GAS2: variants seen among roughly 807,000 people sequenced by gnomAD.
GAS2 encodes growth arrest specific 2.
A neutral mutation model predicts 37.5 loss-of-function variants in GAS2; 20 were observed. That is an observed-to-expected ratio of 0.53 (90% confidence interval 0.37 to 0.77). The LOEUF (loss-of-function observed/expected upper bound fraction) is 0.77. GAS2 is among the 30% of genes least tolerant of loss of function. The pLI, the probability that GAS2 is intolerant of heterozygous loss-of-function variation, is 0.00. For missense variants in GAS2, 336 were observed against 373.4 expected (o/e 0.90, Z 0.82); for synonymous variants, 144 against 132.2 (o/e 1.09, Z -0.61).
chr11:22,782,179 G>A (rs1479496548), intron 7 of GAS2, among the ~76,000 whole-genome samples: 2 of 152,080 alleles, frequency 1.3e-5, no homozygotes, highest in Admixed American at 6.6e-5. Context: ...ACTATTGTGG[G>A]AATGAATTCC....
At chr11:22,698,011 C>A (rs1850623191) in intron 3 of GAS2, among the ~76,000 whole-genome samples, 1 of 152,154 alleles carries the variant, frequency 6.6e-6, no homozygotes, top group Non-Finnish European at 1.5e-5. Context: ...GAGGGCATCC[C>A]TGTCTTGTGC....
rs552953320 is a variant in GAS2, at chr11:22,765,554, C to T, written c.723+9601C>T. On this transcript the variant is annotated intron_variant, in intron 7 of 7. Transcript: ENST00000454584. ...CAGCACTTTGGGAGGCCAAGGCGGG[C>T]GGCTCATGAGATCAGGAGATTGAGA... Among the ~76,000 whole-genome samples, 27 of 152,144 alleles carry T rather than the reference C, an allele frequency of 1.8e-4. 1 individual carries two copies. The highest frequency in any genetic ancestry group is 3.4e-3 in the Middle Eastern group (1 of 294).
At chr11:22,757,820 C>T (rs1854132902) in intron 7 of GAS2, among the ~76,000 whole-genome samples, 1 of 152,092 alleles carries the variant, frequency 6.6e-6, no homozygotes. Flanking sequence ...ATTGAAATAC[C>T]TATCCTTTGG....
At chr11:22,653,069 G>A (rs552671084) in intron 1 of GAS2, among the ~76,000 whole-genome samples, 3 of 44,164 alleles carry the variant, frequency 6.8e-5, no homozygotes, top group African/African-American at 2.5e-4. Context: ...TTTCTTTTTT[G>A]CTTTCTCTCT....
intron 7 of GAS2, among the ~76,000 whole-genome samples, chr11:22,762,677 A>G (rs1854461416): frequency 6.6e-6 from 1 of 152,202 alleles, no homozygotes; most frequent in South Asian, 2.1e-4. Flanking sequence ...AATAGTGCCT[A>G]ATATAAAGAT....
rs561737691 is a variant in GAS2, at chr11:22,650,739, AC to A, written c.-20-24107del. On this transcript the variant is annotated intron_variant, in intron 1 of 5. Coordinates refer to the GAS2 transcript ENST00000528582. ...TGTTTTGTCAGAGACTAGAATTGCA[AC>A]CCCTGCCTTTTTCTGTTTTCCATTT... 4.2e-3 allele frequency among the ~76,000 whole-genome samples: 638 copies of A among 152,200 alleles called. 3 individuals are homozygous for A. Among genetic ancestry groups the A allele is most frequent in the African/African-American group, 0.014 (600 of 41,520 alleles).
chr11:22,652,991 T>TTTTCTTTCTTTCTTTC (rs769554594), intron 1 of GAS2, among the ~76,000 whole-genome samples: 2 of 6,300 alleles, frequency 3.2e-4, no homozygotes, highest in African/African-American at 9.3e-4. Flanking sequence ...CTTTCTTTCT[T>TTTTCTTTCTTTCTTTC]TGTCTTTCTT....
intron 2 of GAS2, among the ~76,000 whole-genome samples, chr11:22,682,612 C>G (rs985742917): frequency 2.0e-5 from 3 of 151,814 alleles, no homozygotes; most frequent in East Asian, 1.9e-4. Flanking sequence ...TGGCGTGGTG[C>G]CTTATGCCTG....
rs189320216 is a variant in GAS2, at chr11:22,646,031, C to T, written c.-21+20218C>T. Among the ~76,000 whole-genome samples, 4 of 151,858 alleles carry T rather than the reference C, an allele frequency of 2.6e-5. No homozygotes were observed. The South Asian group carries it at 8.3e-4, about 32-fold the overall frequency. On this transcript the variant is annotated intron_variant, in intron 1 of 5. Coordinates refer to the GAS2 transcript ENST00000528582. Reference sequence around the variant, plus strand: ...GCTAATTTTGTATTTTTAGTAGACACGGGGTTTCTCCATGTTGGTCAGGCT... The same window carrying T: ...GCTAATTTTGTATTTTTAGTAGACATGGGGTTTCTCCATGTTGGTCAGGCT...
At chr11:22,649,471 G>A (rs1848744574) in intron 1 of GAS2, among the ~76,000 whole-genome samples, 1 of 151,480 alleles carries the variant, frequency 6.6e-6, no homozygotes, top group African/African-American at 2.4e-5. Context: ...TCTATTGATT[G>A]GAATAGTTTC....
Position 22,743,452 on chromosome 11 carries a change from T to G in GAS2, c.474-5668T>G, listed in dbSNP as rs986647686. Among the ~76,000 whole-genome samples, 7 of 152,106 alleles carry G rather than the reference T, an allele frequency of 4.6e-5. No individual in the cohort carries two copies. The East Asian group carries it at 1.2e-3, about 25-fold the overall frequency. Reference sequence around the variant, plus strand: ...ATACTGGGCACATGAAGTACACTATTTAATTCCTTCTAATAATACTAAAAC... The same window carrying G: ...ATACTGGGCACATGAAGTACACTATGTAATTCCTTCTAATAATACTAAAAC... On this transcript the variant is annotated intron_variant, in intron 5 of 7. Transcript: ENST00000454584.
chr11:22,636,811 A>T (rs907830139), intron 1 of GAS2, among the ~76,000 whole-genome samples: 3 of 150,064 alleles, frequency 2.0e-5, no homozygotes. Context: ...CTTCCTCTTT[A>T]TATAAAGATA....
At chr11:22,713,624 C>G (rs779594531) in intron 3 of GAS2, among the ~76,000 whole-genome samples, 2 of 152,052 alleles carry the variant, frequency 1.3e-5, no homozygotes, top group African/African-American at 4.8e-5. Context: ...CATCAGGTAG[C>G]CTGTAAAATA....
intron 3 of GAS2, among the ~76,000 whole-genome samples, chr11:22,713,045 C>G (rs1166904314): frequency 7.8e-6 from 1 of 127,604 alleles, no homozygotes; most frequent in Non-Finnish European, 1.6e-5. Context: ...CCAGCCTGAT[C>G]AGCAGGGTGA....
intron 1 of GAS2, among the ~76,000 whole-genome samples, chr11:22,671,018 T>C (rs1849177771): frequency 2.0e-5 from 3 of 152,174 alleles, no homozygotes; most frequent in Admixed American, 2.0e-4. Flanking sequence ...CTAGGTGGCA[T>C]GGAAGAATAC....
At chr11:22,688,842 A>G (rs980367446) in intron 3 of GAS2, among the ~76,000 whole-genome samples, 13 of 152,216 alleles carry the variant, frequency 8.5e-5, no homozygotes, top group Non-Finnish European at 1.3e-4. Flanking sequence ...ATGCACCTGT[A>G]TGTTCATAGC....
chr11:22,772,591 T>C (rs746943192), intron 7 of GAS2, among the ~76,000 whole-genome samples: 3 of 152,176 alleles, frequency 2.0e-5, no homozygotes, highest in Non-Finnish European at 4.4e-5. Context: ...ATAGGCATCA[T>C]GGATTTTATG....
intron 1 of GAS2, among the ~76,000 whole-genome samples, chr11:22,674,147 G>A (rs1455061313): frequency 4.6e-5 from 7 of 152,026 alleles, no homozygotes; most frequent in Non-Finnish European, 1.0e-4. Flanking sequence ...GAAGACTCAG[G>A]TTCAAGCCTA....
chr11:22,785,337 A>T (rs1390317513), intron 7 of GAS2, among the ~76,000 whole-genome samples: 2 of 151,468 alleles, frequency 1.3e-5, no homozygotes, highest in Non-Finnish European at 2.9e-5. Context: ...CTTTTCTCCC[A>T]CTCCTACCTA....
Sources: allele counts gnomAD v4.1 joint callset (sites outside exome capture counted in the v4.1 genomes callset), GRCh38; gene constraint gnomAD v4.1.1; transcripts MANE v1.5; gene names NCBI Gene and HGNC (gene_info 2026-07-23, HGNC 2026-07-21).